DNTT: variants seen among roughly 807,000 people sequenced by gnomAD.
DNTT encodes the protein DNA nucleotidylexotransferase, also known as nucleosidetriphosphate:DNA deoxynucleotidylexotransferase.
Under a neutral mutation model 60.9 loss-of-function variants are expected in DNTT, and 47 were observed. That is an observed-to-expected ratio of 0.77 (90% CI 0.61 to 0.98). The LOEUF (loss-of-function observed/expected upper bound fraction) is 0.98. Ranked by LOEUF, DNTT falls within the 50% of genes least tolerant of loss-of-function variation. The pLI is 0.00. For synonymous variants in DNTT, 224 were observed against 221.2 expected (o/e 1.01, Z -0.11); for missense variants, 665 against 627.5 (o/e 1.06, Z -0.64).
intron 8 of DNTT, among the ~76,000 whole-genome samples, chr10:96,331,170 C>G (rs1845002222): frequency 6.6e-6 from 1 of 152,166 alleles, no homozygotes; most frequent in Non-Finnish European, 1.5e-5. Flanking sequence ...GACTAACACT[C>G]TCATGAGAAA....
intron 6 of DNTT, 90 bp downstream of exon 6, chr10:96,324,479 G>T: frequency 6.5e-7 from 1 of 1,544,800 alleles, no homozygotes; most frequent in Non-Finnish European, 8.8e-7. Flanking sequence ...CTCCAATCTG[G>T]GAGAGCTGGG....
At position 96,338,473 on chromosome 10, in the gene DNTT, T is replaced by A. The variant is rs1423850039; in HGVS notation, c.*249T>A. 2 of 318,100 alleles carry A rather than the reference T, an allele frequency of 6.3e-6. No homozygotes were observed. The highest frequency in any genetic ancestry group is 1.2e-5 in the Non-Finnish European group (2 of 173,456). 19.7% of individuals were successfully genotyped at this position (318,100 alleles called of 1,614,324 possible). On this transcript the variant is annotated 3_prime_UTR_variant, in exon 11 of 11. Transcript: ENST00000371174. ...TTTTCAAGAGAAATGATGTTGTCAC[T>A]GGTGGCTCATTCAGGGAAGCTCATC...
chr10:96,320,389 A>C (rs1844853163), intron 3 of DNTT, among the ~76,000 whole-genome samples: 1 of 152,216 alleles, frequency 6.6e-6, no homozygotes, highest in South Asian at 2.1e-4. Context: ...GTTTAATAGC[A>C]GTGTACTCCA....
intron 1 of DNTT, among the ~76,000 whole-genome samples, chr10:96,309,652 T>A (rs1169455052): frequency 2.0e-5 from 3 of 152,150 alleles, no homozygotes; most frequent in Middle Eastern, 3.2e-3. Context: ...CCTGGCAATC[T>A]CATGGTAGTA....
chr10:96,310,690 C>T (rs1383859912), intron 1 of DNTT, among the ~76,000 whole-genome samples: 1 of 152,220 alleles, frequency 6.6e-6, no homozygotes, highest in East Asian at 1.9e-4. Flanking sequence ...TCTGACTCCA[C>T]AAGCCACGTG....
chr10:96,308,264 T>A (rs770633146), intron 1 of DNTT, among the ~76,000 whole-genome samples: 2 of 152,220 alleles, frequency 1.3e-5, no homozygotes, highest in Non-Finnish European at 2.9e-5. Context: ...GCAACATGCA[T>A]GCAACATAAT....
intron 8 of DNTT, 116 bp downstream of exon 8, chr10:96,328,946 G>T (rs1198266370): frequency 3.7e-6 from 4 of 1,082,596 alleles, no homozygotes; most frequent in Non-Finnish European, 5.3e-6. Flanking sequence ...TCAATTATTT[G>T]TGGCAGCTTA....
intron 1 of DNTT, among the ~76,000 whole-genome samples, chr10:96,310,229 A>G (rs1048624263): frequency 3.9e-5 from 6 of 152,096 alleles, no homozygotes; most frequent in South Asian, 4.1e-4. Flanking sequence ...CCTCTTTCCT[A>G]TTGCCATCAT....
chr10:96,307,512 G>A (rs1473728252), intron 1 of DNTT, among the ~76,000 whole-genome samples: 10 of 150,260 alleles, frequency 6.7e-5, no homozygotes, highest in Non-Finnish European at 1.5e-4. Context: ...GCGTCAGCAC[G>A]CCCAGATAAT....
At chr10:96,307,597 G>T (rs1450814375) in intron 1 of DNTT, among the ~76,000 whole-genome samples, 1 of 148,652 alleles carries the variant, frequency 6.7e-6, no homozygotes, top group African/African-American at 2.5e-5. Flanking sequence ...CTCGTGATCC[G>T]CCCGCCTTGG....
At chr10:96,336,136 C>T (rs977853056) in intron 10 of DNTT, among the ~76,000 whole-genome samples, 162 bp downstream of exon 10, 7 of 152,182 alleles carry the variant, frequency 4.6e-5, no homozygotes, top group Non-Finnish European at 8.8e-5. Context: ...AAGATTTCCA[C>T]AGACTCGCAG....
chr10:96,338,422 A>C lies in DNTT; in HGVS notation c.*198A>C. 2.2e-6 allele frequency: 1 copy of C among 457,902 alleles called. No individual in the cohort carries two copies. Among genetic ancestry groups the C allele is most frequent in the Non-Finnish European group, 3.9e-6 (1 of 258,742 alleles). The allele number at this position is 457,902 out of a possible 1,614,324, so 28.4% of individuals were successfully genotyped here. Reference sequence around the variant, plus strand: ...AAGGTTCTAATAGGCCATGTTTATGACTGTTGCATAGAATTCACAATGCAT... The same window carrying C: ...AAGGTTCTAATAGGCCATGTTTATGCCTGTTGCATAGAATTCACAATGCAT... On this transcript the variant is annotated 3_prime_UTR_variant, in exon 11 of 11. Coordinates refer to ENST00000371174, the MANE Select transcript of DNTT (RefSeq NM_004088.4).
At chr10:96,337,149 T>C (rs1203095868) in intron 10 of DNTT, among the ~76,000 whole-genome samples, 19 of 152,198 alleles carry the variant, frequency 1.2e-4, no homozygotes, top group Non-Finnish European at 5.9e-5. Flanking sequence ...TCCCTCAGTA[T>C]TGCCTTTATT....
intron 1 of DNTT, among the ~76,000 whole-genome samples, chr10:96,305,786 C>T (rs188883225): frequency 2.6e-5 from 4 of 152,132 alleles, no homozygotes; most frequent in South Asian, 2.1e-4. Flanking sequence ...TGTTAATGTT[C>T]GCAACACCCT....
At chr10:96,321,312 T>C (rs1381292102) in intron 4 of DNTT, among the ~76,000 whole-genome samples, 1 of 152,060 alleles carries the variant, frequency 6.6e-6, no homozygotes, top group Non-Finnish European at 1.5e-5. Context: ...ACTTGGGGTA[T>C]ATGTTGGCAT....
chr10:96,308,533 C>T (rs1182965423), intron 1 of DNTT, among the ~76,000 whole-genome samples: 6 of 152,234 alleles, frequency 3.9e-5, no homozygotes, highest in African/African-American at 9.6e-5. Flanking sequence ...AGTTCCAATA[C>T]GTGGAGCTAT....
intron 4 of DNTT, among the ~76,000 whole-genome samples, chr10:96,322,151 G>T (rs1421969673): frequency 6.6e-6 from 1 of 152,116 alleles, no homozygotes; most frequent in Non-Finnish European, 1.5e-5. Context: ...TTGGTCATCT[G>T]GTAGTAAGTT....
chr10:96,320,492 C>A, intron 3 of DNTT, 126 bp from the exon 4 acceptor site: 1 of 1,086,846 alleles, frequency 9.2e-7, no homozygotes, highest in African/African-American at 1.6e-5. Flanking sequence ...GAGACCCCAT[C>A]CTGACCTAGA....
intron 4 of DNTT, among the ~76,000 whole-genome samples, chr10:96,321,614 C>T (rs1844880890): frequency 6.6e-6 from 1 of 152,112 alleles, no homozygotes; most frequent in Non-Finnish European, 1.5e-5. Flanking sequence ...GGGAAATTGC[C>T]TCTCCCTGGC....
Sources: allele counts gnomAD v4.1 joint callset (sites outside exome capture counted in the v4.1 genomes callset), GRCh38; gene constraint gnomAD v4.1.1; transcripts MANE v1.5; gene names NCBI Gene and HGNC (gene_info 2026-07-23, HGNC 2026-07-21).